Variants in PRKN observed in about 807,000 individuals in gnomAD.
PRKN encodes parkin RBR E3 ubiquitin protein ligase, also known as E3 ubiquitin-protein ligase parkin.
A neutral mutation model predicts 59.5 loss-of-function variants in PRKN; 56 were observed. That is an observed-to-expected ratio of 0.94 (90% CI 0.76 to 1.18). PRKN has a LOEUF of 1.18. Ranked by LOEUF, PRKN falls within the 50% of genes most tolerant of loss-of-function variation. The probability of loss-of-function intolerance (pLI) is 0.00; values close to 1 mark genes in which losing one functional copy is unlikely to be tolerated. For missense variants in PRKN, 657 were observed against 596.4 expected (o/e 1.10, Z -1.06); for synonymous variants, 250 against 222.1 (o/e 1.13, Z -1.12).
intron 7 of PRKN, among the ~76,000 whole-genome samples, chr6:161,757,132 G>A (rs144772330): frequency 1.4e-4 from 21 of 152,270 alleles, no homozygotes; most frequent in African/African-American, 4.8e-4. Context: ...AAAGCTTCTA[G>A]AAGAAAACAT....
In PRKN at chr6:161,480,235, C is replaced by T. The variant is rs186410813; in HGVS notation, c.1083+68619G>A. Among the ~76,000 whole-genome samples the T allele has an allele frequency of 2.2e-4, 33 of 152,242 alleles. No individual in the cohort carries two copies. Among genetic ancestry groups the T allele is most frequent in the African/African-American group, 7.2e-4 (30 of 41,550 alleles). On this transcript the variant is annotated intron_variant, in intron 9 of 11. Coordinates refer to ENST00000366898, the MANE Select transcript of PRKN (RefSeq NM_004562.3). This position sits in a 1 kb window ranked among gnomAD's most constrained non-coding sequence, Gnocchi z 4.1. Reference sequence around the variant, plus strand: ...CCAGTGCAAAACAAAGACACAGAGCCCCTTCTTCAAAAATGATTTAGCATT... The same window carrying T: ...CCAGTGCAAAACAAAGACACAGAGCTCCTTCTTCAAAAATGATTTAGCATT...
chr6:161,541,696 CTGT>C (rs1779620794), intron 9 of PRKN, among the ~76,000 whole-genome samples: 1 of 152,078 alleles, frequency 6.6e-6, no homozygotes, highest in Non-Finnish European at 1.5e-5. Context: ...TGGCACGTGC[CTGT>C]AATCCCAGCT....
chr6:162,514,101 A>G (rs1440926155), intron 1 of PRKN, among the ~76,000 whole-genome samples: 1 of 152,150 alleles, frequency 6.6e-6, no homozygotes, highest in African/African-American at 2.4e-5. Flanking sequence ...ACCAGGAAGA[A>G]CAATTGTGTT....
chr6:161,470,333 C>T lies in PRKN; in HGVS notation c.1083+78521G>A, dbSNP rs549278585. Among the ~76,000 whole-genome samples the T allele has an allele frequency of 1.2e-4, 19 of 152,312 alleles. No homozygotes were observed. Among genetic ancestry groups the T allele is most frequent in the South Asian group, 6.2e-4 (3 of 4,826 alleles). ...TCTAAATCTTCATTCCCCTCTTCAA[C>T]GGCTCTACCCAGTGCTCATCACTCT... On this transcript the variant is annotated intron_variant, in intron 9 of 11. Coordinates refer to ENST00000366898, the MANE Select transcript of PRKN (RefSeq NM_004562.3). This position sits in a 1 kb window ranked among gnomAD's most constrained non-coding sequence, Gnocchi z 5.1.
At chr6:161,872,910 C>T (rs1794402288) in intron 6 of PRKN, among the ~76,000 whole-genome samples, 1 of 151,254 alleles carries the variant, frequency 6.6e-6, no homozygotes, top group South Asian at 2.1e-4. Flanking sequence ...AGAAGTTATT[C>T]CAATTTTGGG....
At chr6:161,718,030 C>T (rs1303608277) in intron 7 of PRKN, among the ~76,000 whole-genome samples, 1 of 152,168 alleles carries the variant, frequency 6.6e-6, no homozygotes, top group African/African-American at 2.4e-5. Context: ...CCAGAGCTAG[C>T]TACTACGTAT....
rs1786212072 is a variant in PRKN, at chr6:161,385,739, T to C, written c.1167+1055A>G. Among the ~76,000 whole-genome samples, 1 of 152,202 alleles carries C rather than the reference T, an allele frequency of 6.6e-6. No individual in the cohort carries two copies. The highest frequency in any genetic ancestry group is 6.5e-5 in the Admixed American group (1 of 15,280). On this transcript the variant is annotated intron_variant, in intron 10 of 11. Coordinates refer to ENST00000366898, the MANE Select transcript of PRKN (RefSeq NM_004562.3). This position sits in a 1 kb window ranked among gnomAD's most constrained non-coding sequence, Gnocchi z 4.9. Reference sequence around the variant, plus strand: ...TGAGGCAGGGGTCTCTGGGCCATTATTGCTTTTGCTGTCAGTACCTGGTAA... The same window carrying C: ...TGAGGCAGGGGTCTCTGGGCCATTACTGCTTTTGCTGTCAGTACCTGGTAA...
rs551475369 is a variant in PRKN, at chr6:162,312,870, A to G, written c.172-50105T>C. The stretch of plus-strand genomic sequence containing the variant: ...AGTTTAGAACATTCAGGTTAAGAGT[A>G]TCTAGTGAAGGTAATTTTAAATATT... On this transcript the variant is annotated intron_variant, in intron 2 of 11. Transcript: ENST00000366898. 3.9e-5 allele frequency among the ~76,000 whole-genome samples: 6 copies of G among 152,302 alleles called. No homozygotes were observed. In the South Asian group the frequency reaches 1.2e-3, roughly 32 times the overall value.
intron 7 of PRKN, among the ~76,000 whole-genome samples, chr6:161,771,291 G>A (rs3016565): frequency 0.53 from 79,082 of 149,130 alleles, 21,275 homozygotes; most frequent in Non-Finnish European, 0.57. Flanking sequence ...GGGAGGCAGA[G>A]CTTGCAGTGA....
At chr6:161,691,492 A>T (rs1412469767) in intron 7 of PRKN, among the ~76,000 whole-genome samples, 2 of 152,228 alleles carry the variant, frequency 1.3e-5, no homozygotes, top group Non-Finnish European at 2.9e-5. Context: ...TCTACTTAAC[A>T]TGGGGAATAG....
intron 6 of PRKN, among the ~76,000 whole-genome samples, chr6:161,793,651 C>T (rs1330828562): frequency 1.3e-5 from 2 of 151,892 alleles, no homozygotes; most frequent in Non-Finnish European, 2.9e-5. Flanking sequence ...GTGGTAAGCA[C>T]TACCATAAGG....
intron 6 of PRKN, among the ~76,000 whole-genome samples, chr6:161,889,837 A>G (rs528847956): frequency 6.6e-6 from 1 of 152,374 alleles, no homozygotes; most frequent in African/African-American, 2.4e-5. Context: ...TATAGGGCTA[A>G]TGAAAATGAC....
At chr6:162,339,234 G>A (rs1337472484) in intron 2 of PRKN, among the ~76,000 whole-genome samples, 2 of 149,422 alleles carry the variant, frequency 1.3e-5, no homozygotes, top group African/African-American at 2.5e-5. Flanking sequence ...CCGTCCGGGA[G>A]GGAGGTGGTG....
intron 2 of PRKN, among the ~76,000 whole-genome samples, chr6:162,325,574 T>C (rs564797423): frequency 2.0e-5 from 3 of 152,108 alleles, no homozygotes; most frequent in Non-Finnish European, 2.9e-5. Context: ...GACAGTGGAA[T>C]GCTACTGGTG....
chr6:162,151,582 T>C (rs1782272485), intron 4 of PRKN, among the ~76,000 whole-genome samples: 1 of 152,208 alleles, frequency 6.6e-6, no homozygotes, highest in Non-Finnish European at 1.5e-5. Context: ...TGACGATTTA[T>C]AATGTGATAT....
In PRKN at chr6:161,357,595, A is replaced by G. The variant is rs1302454601; in HGVS notation, c.1285+2493T>C. Among the ~76,000 whole-genome samples the G allele has an allele frequency of 6.6e-6, 1 of 152,210 alleles. No individual in the cohort carries two copies. Among genetic ancestry groups the G allele is most frequent in the Non-Finnish European group, 1.5e-5 (1 of 68,046 alleles). The stretch of plus-strand genomic sequence containing the variant: ...TACGTCACACATGTTTATTACAGAA[A>G]AGCATAAAAAGAAATAAAGTCCTCT... On this transcript the variant is annotated intron_variant, in intron 11 of 11. Coordinates refer to ENST00000366898, the MANE Select transcript of PRKN (RefSeq NM_004562.3). This position sits in a 1 kb window ranked among gnomAD's most constrained non-coding sequence, Gnocchi z 5.5.
At chr6:161,874,045 ATATGTAAAATATAATATAT>A (rs1310273192) in intron 6 of PRKN, among the ~76,000 whole-genome samples, 14 of 71,382 alleles carry the variant, frequency 2.0e-4, no homozygotes, top group South Asian at 4.5e-4. Context: ...AATATATATT[ATATGTAAAATATAATATAT>A]AATATATATT....
chr6:162,713,444 A>T (rs1778611864), intron 1 of PRKN, among the ~76,000 whole-genome samples: 1 of 148,654 alleles, frequency 6.7e-6, no homozygotes, highest in Non-Finnish European at 1.5e-5. Context: ...CAATGAGCCA[A>T]GATCGCGCCA....
chr6:162,471,352 C>T (rs912885866), intron 1 of PRKN, among the ~76,000 whole-genome samples: 3 of 152,166 alleles, frequency 2.0e-5, no homozygotes, highest in African/African-American at 7.2e-5. Flanking sequence ...CCTGCCTCAG[C>T]CTTCCAAAGT....
Sources: gnomAD v4.1 joint callset for allele counts (sites outside exome capture counted in the v4.1 genomes callset) on GRCh38, gnomAD v4.1.1 for gene constraint, Gnocchi (gnomAD v3.1) non-coding constraint, MANE v1.5 for transcripts, NCBI Gene and HGNC (gene_info 2026-07-23, HGNC 2026-07-21) for gene names.